SLC37A3: variants seen among roughly 807,000 people sequenced by gnomAD.
The protein encoded by SLC37A3 is sugar phosphate exchanger 3.
In SLC37A3, 51 loss-of-function variants were observed where a neutral mutation model predicts 67.1. The observed-to-expected ratio is 0.76, with a 90% CI of 0.61 to 0.96. The LOEUF is 0.96. SLC37A3 is among the 40% of genes least tolerant of loss of function. The pLI is 0.00. For synonymous variants in SLC37A3, 214 were observed against 231.4 expected, an observed-to-expected ratio of 0.92 and a Z score of 0.68; for missense variants, 508 against 603.0, an observed-to-expected ratio of 0.84 and a Z score of 1.65.
rs534339329 is a variant in SLC37A3, at chr7:140,345,746, C to T, written c.1126+123G>A. ...CATTCACAGGACAATGCAAAGGTGG[C>T]ATATCGGGCCTTGAAGCTGGTCTCC... On this transcript the variant is annotated intron_variant, in intron 11 of 14. Coordinates refer to ENST00000326232, the MANE Select transcript of SLC37A3 (RefSeq NM_207113.3). 4 of 738,240 alleles carry T rather than the reference C, an allele frequency of 5.4e-6. No individual in the cohort carries two copies. In the East Asian group the frequency reaches 7.6e-5, roughly 14 times the overall value. 45.7% of individuals were successfully genotyped at this position (738,240 alleles called of 1,614,324 possible).
intron 12 of SLC37A3, 64 bp from the exon 13 acceptor site, chr7:140,343,627 G>C: frequency 6.6e-7 from 1 of 1,522,136 alleles, no homozygotes; most frequent in Admixed American, 1.8e-5. Context: ...TACTGCATAA[G>C]GCAAAATAAT....
chr7:140,376,088 C>T (rs1422138736), intron 3 of SLC37A3, among the ~76,000 whole-genome samples: 1 of 104,928 alleles, frequency 9.5e-6, no homozygotes, highest in Non-Finnish European at 1.8e-5. Flanking sequence ...CAAGAAGTTA[C>T]CAAAAACTCC....
In SLC37A3 at chr7:140,343,436, C is replaced by A. The variant is rs755815743; in HGVS notation, c.1302G>T (p.Gly434=). The part of the protein sequence containing the change: ...ATVTGIVDGS[G]SIGAAVGQYL... Reference sequence around the variant, plus strand: ...CCTGGCCCACTGCAGCTCCAATGCTCCCCGAACCATCCACAATTCCTGTGA... The same window carrying A: ...CCTGGCCCACTGCAGCTCCAATGCTACCCGAACCATCCACAATTCCTGTGA... The change falls in exon 13 of 15, where the codon GGG becomes GGT. Residue 434 remains glycine, a synonymous_variant. Transcript: ENST00000326232. 1.2e-6 allele frequency: 2 copies of A among 1,613,918 alleles called. No homozygotes were observed. Among genetic ancestry groups the A allele is most frequent in the South Asian group, 2.2e-5 (2 of 91,074 alleles).
At chr7:140,343,085 C>A (rs768011343) in intron 13 of SLC37A3, among the ~76,000 whole-genome samples, 1 of 152,146 alleles carries the variant, frequency 6.6e-6, no homozygotes, top group African/African-American at 2.4e-5. Flanking sequence ...AAGCACCCCC[C>A]ACCACGGAAT....
intron 3 of SLC37A3, among the ~76,000 whole-genome samples, chr7:140,376,769 T>A (rs1798048320): frequency 6.6e-6 from 1 of 152,018 alleles, no homozygotes; most frequent in Admixed American, 6.6e-5. Flanking sequence ...AAGGTTGAGA[T>A]GGAATGTCCA....
chr7:140,362,890 C>T (rs1797410632), intron 5 of SLC37A3, among the ~76,000 whole-genome samples: 3 of 44,366 alleles, frequency 6.8e-5, no homozygotes, highest in Non-Finnish European at 1.4e-4. Flanking sequence ...CCGCCCCGTC[C>T]GGGAGGGAGG....
intron 6 of SLC37A3, among the ~76,000 whole-genome samples, chr7:140,355,982 G>C (rs1797010434): frequency 6.6e-6 from 1 of 152,076 alleles, no homozygotes; most frequent in Non-Finnish European, 1.5e-5. Flanking sequence ...ATCACCTGAG[G>C]TCAGGAGTTC....
chr7:140,367,881 G>T lies in SLC37A3; in HGVS notation c.291+1709C>A, dbSNP rs185155818. Among the ~76,000 whole-genome samples, 1,289 of 148,596 alleles carry T rather than the reference G, an allele frequency of 8.7e-3. 5 individuals are homozygous for T. Among genetic ancestry groups the T allele is most frequent in the African/African-American group, 0.017 (698 of 40,252 alleles). On this transcript the variant is annotated intron_variant, in intron 4 of 14. Transcript: ENST00000326232. ...GTCATCCAGGCTGGAGTGCAGTGACGCAATCTCGGCTCACTGCAACCTCCT... is the reference window on the plus strand; with the variant it reads ...GTCATCCAGGCTGGAGTGCAGTGACTCAATCTCGGCTCACTGCAACCTCCT...
chr7:140,354,485 T>C (rs898766238), intron 7 of SLC37A3, among the ~76,000 whole-genome samples: 3 of 152,174 alleles, frequency 2.0e-5, no homozygotes, highest in African/African-American at 7.2e-5. Context: ...CCCTGCTAAG[T>C]TCCATAAGAA....
At chr7:140,387,337 G>A (rs1020786677) in intron 1 of SLC37A3, among the ~76,000 whole-genome samples, 6 of 151,362 alleles carry the variant, frequency 4.0e-5, no homozygotes, top group Admixed American at 1.3e-4. Flanking sequence ...AGCCAGGTCG[G>A]GTGCAGTGAC....
At chr7:140,349,925 CA>C (rs1427470987) in intron 9 of SLC37A3, among the ~76,000 whole-genome samples, 2 of 152,178 alleles carry the variant, frequency 1.3e-5, no homozygotes, top group African/African-American at 4.8e-5. Context: ...AGGTCTAAAG[CA>C]ACCTGCATTT....
chr7:140,380,823 C>T lies in SLC37A3; in HGVS notation c.90-433G>A, dbSNP rs1798221102. On this transcript the variant is annotated intron_variant, in intron 2 of 14. Transcript: ENST00000326232. ...TCTCAAACTCCTGGGCTCAAGCGAT[C>T]CTCCCACCACTTGGCTTCCCAAATT... 2.0e-5 allele frequency among the ~76,000 whole-genome samples: 3 copies of T among 152,078 alleles called. No individual in the cohort carries two copies. In the South Asian group the frequency reaches 6.2e-4, roughly 32 times the overall value.
chr7:140,368,587 C>CATA (rs955713901), intron 4 of SLC37A3, among the ~76,000 whole-genome samples: 9 of 151,560 alleles, frequency 5.9e-5, no homozygotes, highest in Non-Finnish European at 1.2e-4. Flanking sequence ...AAATTAAAAA[C>CATA]ATAATAATAA....
At chr7:140,380,598 G>C (rs1197655649) in intron 2 of SLC37A3, among the ~76,000 whole-genome samples, 2 of 152,098 alleles carry the variant, frequency 1.3e-5, no homozygotes, top group South Asian at 2.1e-4. Flanking sequence ...ACTCAAGCTA[G>C]AGTGCAGTTA....
intron 7 of SLC37A3, among the ~76,000 whole-genome samples, chr7:140,352,400 G>T (rs573499013): frequency 3.5e-4 from 53 of 152,202 alleles, no homozygotes; most frequent in South Asian, 2.3e-3. Context: ...ATACTAAGTG[G>T]TACTGTTATG....
intron 7 of SLC37A3, 59 bp from the exon 8 acceptor site, chr7:140,352,205 A>G (rs1796840289): frequency 1.6e-5 from 9 of 554,668 alleles, no homozygotes; most frequent in Non-Finnish European, 2.8e-5. Context: ...TCACAAGCAC[A>G]TTCATTAAAG....
intron 3 of SLC37A3, among the ~76,000 whole-genome samples, chr7:140,378,703 C>T (rs1369296385): frequency 6.7e-6 from 1 of 148,272 alleles, no homozygotes; most frequent in Non-Finnish European, 1.5e-5. Flanking sequence ...TGCCACCGCA[C>T]TCCAGCCTGG....
intron 5 of SLC37A3, among the ~76,000 whole-genome samples, chr7:140,362,352 G>C (rs1437444300): frequency 1.4e-5 from 2 of 140,956 alleles, no homozygotes; most frequent in Non-Finnish European, 3.1e-5. Flanking sequence ...CCCTCCGTCC[G>C]GCAGCCACCC....
chr7:140,351,058 A>G (rs1796773788), intron 9 of SLC37A3, among the ~76,000 whole-genome samples: 1 of 152,164 alleles, frequency 6.6e-6, no homozygotes, highest in African/African-American at 2.4e-5. Context: ...AGTCAAAAAT[A>G]TTTATTCTCT....
Sources: gnomAD v4.1 joint callset for allele counts (sites outside exome capture counted in the v4.1 genomes callset) on GRCh38, gnomAD v4.1.1 for gene constraint, MANE v1.5 for transcripts, NCBI Gene and HGNC (gene_info 2026-07-23, HGNC 2026-07-21) for gene names.